The following NREP variants were observed in gnomAD, a reference collection of about 807,000 sequenced individuals.
NREP encodes the protein neuronal regeneration-related protein.
Under a neutral mutation model 8.6 loss-of-function variants are expected in NREP, and 5 were observed. The ratio of observed to expected loss-of-function variants is 0.58; its 90% confidence interval spans 0.30 to 1.22. The LOEUF (loss-of-function observed/expected upper bound fraction) is 1.22, where lower values mean the gene tolerates loss of function less well. Among genes scored for constraint, NREP ranks in the 50% most tolerant of loss-of-function variants. NREP has a pLI of 0.07. For missense variants in NREP, 86 were observed against 82.5 expected (o/e 1.04, Z -0.17); for synonymous variants, 27 against 28.0 (o/e 0.96, Z 0.11).
intron 2 of NREP, among the ~76,000 whole-genome samples, chr5:111,819,498 A>G (rs1752468769): frequency 6.6e-6 from 1 of 152,170 alleles, no homozygotes; most frequent in Admixed American, 6.5e-5. Flanking sequence ...GAGAAAATTA[A>G]TGTTCGAGCA....
rs186827264 is a variant in NREP at position 111,850,988 on chromosome 5, T to A, written c.136-115481A>T. ...ATGTAAGAAATAGAGATAGTAAGAATTCACATCTGGAGGTTATTGTTAGGC... is the reference window on the plus strand; with the variant it reads ...ATGTAAGAAATAGAGATAGTAAGAAATCACATCTGGAGGTTATTGTTAGGC... On this transcript the variant is annotated intron_variant, in intron 2 of 3. Transcript: ENST00000395634. Among the ~76,000 whole-genome samples, 122 of 152,268 alleles carry A rather than the reference T, an allele frequency of 8.0e-4. 1 individual carries two copies. The highest frequency in any genetic ancestry group is 2.4e-3 in the African/African-American group (99 of 41,550).
intron 2 of NREP, among the ~76,000 whole-genome samples, chr5:111,931,344 T>C (rs1302525521): frequency 6.6e-6 from 1 of 152,098 alleles, no homozygotes; most frequent in Non-Finnish European, 1.5e-5. Context: ...CTTTAGTCAC[T>C]TTCTCCTGGA....
intron 2 of NREP, among the ~76,000 whole-genome samples, chr5:111,794,960 T>C (rs1739323452): frequency 6.7e-6 from 1 of 148,328 alleles, no homozygotes; most frequent in African/African-American, 2.5e-5. Context: ...TCCCTGTAAC[T>C]GCCTCTTCAT....
intron 2 of NREP, among the ~76,000 whole-genome samples, chr5:111,934,003 C>T (rs1029416998): frequency 6.6e-6 from 1 of 152,064 alleles, no homozygotes; most frequent in Non-Finnish European, 1.5e-5. Flanking sequence ...GTACAGCCTC[C>T]TTCCTTTAAA....
At chr5:111,883,887 C>G (rs1430863574) in intron 2 of NREP, among the ~76,000 whole-genome samples, 4 of 152,134 alleles carry the variant, frequency 2.6e-5, no homozygotes, top group East Asian at 3.9e-4. Context: ...ATCTAAAATT[C>G]ACACCCTGAC....
chr5:111,852,927 G>T (rs1753344870), intron 2 of NREP, among the ~76,000 whole-genome samples: 1 of 152,120 alleles, frequency 6.6e-6, no homozygotes, highest in South Asian at 2.1e-4. Context: ...TAGAGTGAGA[G>T]AAGCTTCCTC....
At chr5:111,822,728 A>C (rs1752537826) in intron 2 of NREP, among the ~76,000 whole-genome samples, 2 of 150,532 alleles carry the variant, frequency 1.3e-5, no homozygotes, top group South Asian at 4.2e-4. Context: ...CCAGTGAACA[A>C]GCTCAAATAG....
At chr5:111,954,121 TATCTAC>T (rs1174074384) in intron 2 of NREP, among the ~76,000 whole-genome samples, 3 of 152,186 alleles carry the variant, frequency 2.0e-5, no homozygotes, top group African/African-American at 7.2e-5. Flanking sequence ...TCTATATCTA[TATCTAC>T]ATCTATCTAT....
At chr5:111,937,262 C>A (rs990275657) in intron 2 of NREP, among the ~76,000 whole-genome samples, 1 of 152,052 alleles carries the variant, frequency 6.6e-6, no homozygotes, top group Non-Finnish European at 1.5e-5. Flanking sequence ...AAGTGTAACA[C>A]CCTAGAGTCC....
intron 2 of NREP, among the ~76,000 whole-genome samples, chr5:111,838,216 A>T (rs1010317909): frequency 6.6e-6 from 1 of 152,164 alleles, no homozygotes; most frequent in African/African-American, 2.4e-5. Context: ...TATTCTTTTT[A>T]TTTGCAGAAT....
chr5:111,871,689 T>A (rs180721502), intron 2 of NREP, among the ~76,000 whole-genome samples: 49 of 151,912 alleles, frequency 3.2e-4, no homozygotes, highest in African/African-American at 1.1e-3. Flanking sequence ...AACTTTTTTG[T>A]TCAAAGCTAA....
intron 2 of NREP, among the ~76,000 whole-genome samples, chr5:111,914,045 A>T (rs1399493312): frequency 6.6e-6 from 1 of 152,104 alleles, no homozygotes; most frequent in African/African-American, 2.4e-5. Context: ...TAGTAGATAA[A>T]ACTTTGTAAT....
chr5:111,889,333 C>G (rs1010313894), intron 2 of NREP, among the ~76,000 whole-genome samples: 8 of 152,142 alleles, frequency 5.3e-5, no homozygotes, highest in African/African-American at 1.9e-4. Context: ...AACTCACTCA[C>G]TATACCAAAG....
intron 2 of NREP, among the ~76,000 whole-genome samples, chr5:111,843,174 C>T (rs562973312): frequency 6.6e-6 from 1 of 152,120 alleles, no homozygotes; most frequent in African/African-American, 2.4e-5. Flanking sequence ...ACTTTCATAA[C>T]ACATATATTG....
intron 2 of NREP, among the ~76,000 whole-genome samples, chr5:111,973,072 G>A (rs1175071362): frequency 6.6e-6 from 1 of 152,146 alleles, no homozygotes; most frequent in Non-Finnish European, 1.5e-5. Context: ...TGCAGTTCCT[G>A]GGAATTAAGT....
chr5:111,735,387 AT>A (rs1459989351), intron 3 of NREP, 42 bp downstream of exon 3: 1 of 1,303,092 alleles, frequency 7.7e-7, no homozygotes, highest in Non-Finnish European at 1.1e-6. Context: ...AATTGTTTCT[AT>A]ATTGAAAATA....
chr5:111,918,891 C>T (rs1195727038), intron 2 of NREP, among the ~76,000 whole-genome samples: 3 of 147,740 alleles, frequency 2.0e-5, no homozygotes, highest in East Asian at 2.0e-4. Flanking sequence ...AGCTTCTGCA[C>T]AGAAAACAAA....
chr5:111,909,363 C>G (rs74626680), intron 2 of NREP, among the ~76,000 whole-genome samples: 1 of 151,938 alleles, frequency 6.6e-6, no homozygotes, highest in Admixed American at 6.6e-5. Context: ...GAACAAAACA[C>G]AATGAGTTAG....
At chr5:111,889,794 C>A (rs1266320801) in intron 2 of NREP, among the ~76,000 whole-genome samples, 1 of 151,270 alleles carries the variant, frequency 6.6e-6, no homozygotes, top group Non-Finnish European at 1.5e-5. Flanking sequence ...AGAGAGTCAG[C>A]AAAGGGAGAT....
Sources: gnomAD v4.1 joint callset for allele counts (sites outside exome capture counted in the v4.1 genomes callset) on GRCh38, gnomAD v4.1.1 for gene constraint, MANE v1.5 for transcripts, NCBI Gene and HGNC (gene_info 2026-07-23, HGNC 2026-07-21) for gene names.